The following DCAF7 variants were observed in gnomAD, a reference collection of about 807,000 sequenced individuals.
DCAF7 encodes the protein DDB1- and CUL4-associated factor 7.
A neutral mutation model predicts 41.2 loss-of-function variants in DCAF7; 4 were observed. The ratio of observed to expected loss-of-function variants is 0.10; its 90% CI spans 0.05 to 0.22. The LOEUF is 0.22. DCAF7 is among the 10% of genes least tolerant of loss of function. DCAF7 has a pLI of 1.00. For missense variants in DCAF7, 131 were observed against 443.2 expected, an observed-to-expected ratio of 0.30 and a Z score of 6.32; for synonymous variants, 143 against 164.2, an observed-to-expected ratio of 0.87 and a Z score of 0.99.
intron 6 of DCAF7, among the ~76,000 whole-genome samples, chr17:63,586,750 G>A (rs1160717479): frequency 4.0e-5 from 6 of 150,156 alleles, no homozygotes; most frequent in Admixed American, 6.6e-5. Context: ...GACAGAGTGA[G>A]ACCCCGTCTC....
chr17:63,562,677 A>C (rs145512107), intron 1 of DCAF7, among the ~76,000 whole-genome samples: 1 of 130,042 alleles, frequency 7.7e-6, no homozygotes, highest in African/African-American at 2.8e-5. Flanking sequence ...TCCCAGTGCT[A>C]TCCCTCCCCC....
At position 63,593,357 on chromosome 17, in the gene DCAF7, A is replaced by G. The variant is rs1038359964; in HGVS notation, c.*4185A>G. On this transcript the variant is annotated 3_prime_UTR_variant, in exon 7 of 7. Coordinates refer to ENST00000614556, the MANE Select transcript of DCAF7 (RefSeq NM_005828.5). ...ACAGTGTCACTGCTGCTAATGGTCA[A>G]AGTCAAATGTGTGGCCACATGGGAT... The G allele has an allele frequency of 6.5e-6, 1 of 152,714 alleles. No homozygotes were observed. Among genetic ancestry groups the G allele is most frequent in the African/African-American group, 2.4e-5 (1 of 41,456 alleles). 9.5% of individuals were successfully genotyped at this position (152,714 alleles called of 1,614,324 possible).
chr17:63,570,307 A>T (rs1380132301), intron 1 of DCAF7, among the ~76,000 whole-genome samples: 1 of 152,072 alleles, frequency 6.6e-6, no homozygotes, highest in Non-Finnish European at 1.5e-5. Context: ...TGGAAAAATT[A>T]GCCAGGCGTG....
Position 63,558,291 on chromosome 17 carries a change from C to T in DCAF7, c.138+7476C>T, listed in dbSNP as rs567005695. On this transcript the variant is annotated intron_variant, in intron 1 of 6. Coordinates refer to ENST00000614556, the MANE Select transcript of DCAF7 (RefSeq NM_005828.5). ...CTTTAAGAGGGGAAAAGAAATTAGGCTAGCTACATTTGATGACAGAAGGCC... is the reference window on the plus strand; with the variant it reads ...CTTTAAGAGGGGAAAAGAAATTAGGTTAGCTACATTTGATGACAGAAGGCC... 3.3e-5 allele frequency among the ~76,000 whole-genome samples: 5 copies of T among 152,254 alleles called. No homozygotes were observed. In the East Asian group the frequency reaches 9.7e-4, roughly 29 times the overall value.
Position 63,550,606 on chromosome 17 carries a change from G to C in DCAF7, c.-72G>C. ...CTCCTCTCCTCCCTTCGGACCCATA[G>C]ATCTCAGGCTCGGCTCCCCGCCCGC... is the stretch of plus-strand genomic sequence containing the variant. On this transcript the variant is annotated 5_prime_UTR_variant, in exon 1 of 7. Transcript: ENST00000614556. This position sits in a 1 kb window ranked among gnomAD's most constrained non-coding sequence, Gnocchi z 4.8. The C allele has an allele frequency of 1.3e-6, 2 of 1,587,492 alleles. No individual in the cohort carries two copies. The highest frequency in any genetic ancestry group is 1.7e-6 in the Non-Finnish European group (2 of 1,166,048).
At chr17:63,588,712 G>A (rs1380677072) in intron 6 of DCAF7, among the ~76,000 whole-genome samples, 3 of 152,158 alleles carry the variant, frequency 2.0e-5, no homozygotes, top group African/African-American at 7.2e-5. Flanking sequence ...ACCCAGATGA[G>A]AAGGACTCAT....
At chr17:63,570,277 AACCCCGTCTCT>A (rs769264029) in intron 1 of DCAF7, among the ~76,000 whole-genome samples, 95 of 151,762 alleles carry the variant, frequency 6.3e-4, no homozygotes, top group Non-Finnish European at 1.1e-3. Context: ...AACGCAGCAA[AACCCCGTCTCT>A]ACAAAATATG....
intron 1 of DCAF7, among the ~76,000 whole-genome samples, chr17:63,564,001 A>G (rs2033413027): frequency 6.6e-6 from 1 of 152,120 alleles, no homozygotes; most frequent in Admixed American, 6.5e-5. Context: ...TTGGCTCTAG[A>G]ATTTCATTTT....
Position 63,591,882 on chromosome 17 carries a change from TG to T in DCAF7, c.*2711del, listed in dbSNP as rs2033737047. 6.6e-6 allele frequency: 1 copy of T among 152,332 alleles called. No individual in the cohort carries two copies. The highest frequency in any genetic ancestry group is 2.4e-5 in the African/African-American group (1 of 41,464). The allele number at this position is 152,332 out of a possible 1,614,324, so 9.4% of individuals were successfully genotyped here. A position where few individuals can be genotyped will look rare whatever the true frequency, so the allele number is the denominator to read the frequency against. On this transcript the variant is annotated 3_prime_UTR_variant, in exon 7 of 7. Coordinates refer to ENST00000614556, the MANE Select transcript of DCAF7 (RefSeq NM_005828.5). ...GTGGCCCAGCTGGTGATGGCCCTTT[TG>T]CTCCTGGCAGCCTGAGGCACAGCTG...
At chr17:63,571,994 T>C (rs900469238) in intron 1 of DCAF7, among the ~76,000 whole-genome samples, 1 of 151,952 alleles carries the variant, frequency 6.6e-6, no homozygotes, top group East Asian at 1.9e-4. Flanking sequence ...TTTAAGGCAT[T>C]TACTAAGTGA....
intron 1 of DCAF7, among the ~76,000 whole-genome samples, chr17:63,563,293 G>C (rs1268968891): frequency 6.6e-6 from 1 of 152,180 alleles, no homozygotes; most frequent in Non-Finnish European, 1.5e-5. Context: ...TGAGAATTGT[G>C]ATATCATCTT....
At position 63,593,783 on chromosome 17, in the gene DCAF7, T is replaced by C. The variant is rs2033757976; in HGVS notation, c.*4611T>C. 1 of 152,650 alleles carries C rather than the reference T, an allele frequency of 6.6e-6. No homozygotes were observed. Among genetic ancestry groups the C allele is most frequent in the East Asian group, 1.9e-4 (1 of 5,200 alleles). 9.5% of individuals were successfully genotyped at this position (152,650 alleles called of 1,614,324 possible). A position where few individuals can be genotyped will look rare whatever the true frequency, so the allele number is the denominator to read the frequency against. ...CTTCCCCACCCCACCCAGAGTGAAT[T>C]TGTAGCATGATTGTATAAACCTCTA... On this transcript the variant is annotated 3_prime_UTR_variant, in exon 7 of 7. Transcript: ENST00000614556.
intron 4 of DCAF7, among the ~76,000 whole-genome samples, chr17:63,582,446 C>T (rs1290814749): frequency 6.6e-6 from 1 of 151,118 alleles, no homozygotes; most frequent in African/African-American, 2.4e-5. Flanking sequence ...CTGTCTCTGG[C>T]TCTCTCTTCG....
intron 6 of DCAF7, 53 bp from the exon 7 acceptor site, chr17:63,588,947 T>G (rs2033706218): frequency 1.0e-5 from 16 of 1,545,756 alleles, no homozygotes; most frequent in Non-Finnish European, 1.4e-5. Context: ...GCAGGGATCA[T>G]CATCCGCATT....
At chr17:63,585,491 A>T (rs757964050) in intron 6 of DCAF7, among the ~76,000 whole-genome samples, 163 bp downstream of exon 6, 3 of 152,196 alleles carry the variant, frequency 2.0e-5, no homozygotes, top group African/African-American at 4.8e-5. Flanking sequence ...AATCAGTACA[A>T]ATTTTTAGAC....
At position 63,564,136 on chromosome 17, in the gene DCAF7, T is replaced by TACACACACACACACACAC. The variant is rs369218596; in HGVS notation, c.138+13331_138+13348dup. On this transcript the variant is annotated intron_variant, in intron 1 of 6. Transcript: ENST00000614556. Reference sequence around the variant, plus strand: ...ATGACATAGAGGGATGTTAACTTTATACACACACACACACACACACACACA... The same window carrying TACACACACACACACACAC: ...ATGACATAGAGGGATGTTAACTTTATACACACACACACACACACACACACACACACACACACACACACA... Among the ~76,000 whole-genome samples, 1,007 of 148,062 alleles carry TACACACACACACACACAC rather than the reference T, an allele frequency of 6.8e-3. 8 individuals are homozygous for TACACACACACACACACAC. The highest frequency in any genetic ancestry group is 0.021 in the Middle Eastern group (6 of 290).
chr17:63,583,628 C>G lies in DCAF7; in HGVS notation c.655C>G (p.Pro219Ala), dbSNP rs376094329. 5 of 1,612,614 alleles carry G rather than the reference C, an allele frequency of 3.1e-6. No homozygotes were observed. The highest frequency in any genetic ancestry group is 4.2e-6 in the Non-Finnish European group (5 of 1,178,934). Residue 219 changes from proline (P) to alanine (A), a missense_variant, in exon 5 of 7, where the codon CCA becomes GCA. Pro to Ala is a conservative substitution (Grantham distance 27). Transcript: ENST00000614556. ...ACACAGCACCATCATTTACGAAGACCCACAGCATCACCCACTGCTTCGCCT... is the reference window on the plus strand; with the variant it reads ...ACACAGCACCATCATTTACGAAGACGCACAGCATCACCCACTGCTTCGCCT... ...LEHSTIIYED[P>A]QHHPLLRLCW...
intron 1 of DCAF7, among the ~76,000 whole-genome samples, chr17:63,553,642 C>T (rs968164168): frequency 1.3e-5 from 2 of 152,174 alleles, no homozygotes; most frequent in Non-Finnish European, 2.9e-5. Context: ...GTAAAATGGA[C>T]ACAGCAAATT....
intron 1 of DCAF7, among the ~76,000 whole-genome samples, chr17:63,559,587 A>G (rs951408360): frequency 2.0e-5 from 3 of 151,426 alleles, no homozygotes; most frequent in African/African-American, 7.3e-5. Flanking sequence ...GGATCGCCTA[A>G]GGTCAGGAGT....
Sources: gnomAD v4.1 joint callset for allele counts (sites outside exome capture counted in the v4.1 genomes callset) on GRCh38, gnomAD v4.1.1 for gene constraint, Gnocchi (gnomAD v3.1) non-coding constraint, MANE v1.5 for transcripts, NCBI Gene and HGNC (gene_info 2026-07-23, HGNC 2026-07-21) for gene names.